LRRN1: variants seen among roughly 807,000 people sequenced by gnomAD.
The protein encoded by LRRN1 is leucine rich repeat neuronal 1.
Under a neutral mutation model 45.8 loss-of-function variants are expected in LRRN1, and 14 were observed. The ratio of observed to expected loss-of-function variants is 0.31; its 90% CI spans 0.20 to 0.48. The LOEUF (loss-of-function observed/expected upper bound fraction) is 0.48, where lower values mean the gene tolerates loss of function less well. Among genes scored for constraint, LRRN1 ranks in the 20% least tolerant of loss-of-function variants. The pLI is 0.99. For missense variants in LRRN1, 789 were observed against 874.2 expected, an observed-to-expected ratio of 0.90 and a Z score of 1.23; for synonymous variants, 359 against 330.1, an observed-to-expected ratio of 1.09 and a Z score of -0.95.
At chr3:3,842,985 T>C (rs527617854) in intron 1 of LRRN1, among the ~76,000 whole-genome samples, 6 of 152,350 alleles carry the variant, frequency 3.9e-5, no homozygotes, top group African/African-American at 1.2e-4. Flanking sequence ...TATCCTCAGC[T>C]TTCCTTCTTT....
chr3:3,835,483 T>A (rs1418450201), intron 1 of LRRN1, among the ~76,000 whole-genome samples: 1 of 152,098 alleles, frequency 6.6e-6, no homozygotes, highest in East Asian at 1.9e-4. Flanking sequence ...GTCTACAGCT[T>A]GCACAAAGTG....
intron 1 of LRRN1, among the ~76,000 whole-genome samples, chr3:3,812,550 G>A (rs1353726223): frequency 1.3e-5 from 2 of 152,166 alleles, no homozygotes; most frequent in Non-Finnish European, 1.5e-5. Context: ...GGAGTTCAGA[G>A]AAGGCAGAAC....
chr3:3,802,146 A>G (rs940636039), intron 1 of LRRN1, among the ~76,000 whole-genome samples: 3 of 152,234 alleles, frequency 2.0e-5, no homozygotes, highest in East Asian at 3.8e-4. Flanking sequence ...TTCAGGTCAC[A>G]TAACAGTGAA....
intron 1 of LRRN1, among the ~76,000 whole-genome samples, chr3:3,826,544 G>A (rs1443546187): frequency 2.6e-5 from 4 of 152,010 alleles, no homozygotes; most frequent in African/African-American, 9.7e-5. Flanking sequence ...AGTTCCTTAT[G>A]CAAAAGAGCC....
intron 1 of LRRN1, among the ~76,000 whole-genome samples, chr3:3,824,156 A>T (rs1693167159): frequency 6.6e-6 from 1 of 152,220 alleles, no homozygotes; most frequent in Admixed American, 6.5e-5. Context: ...AAATGAGTTG[A>T]CATCATTGTA....
intron 1 of LRRN1, among the ~76,000 whole-genome samples, chr3:3,821,128 C>G (rs1693094615): frequency 6.6e-6 from 1 of 152,200 alleles, no homozygotes; most frequent in Non-Finnish European, 1.5e-5. Flanking sequence ...AATGTGCATT[C>G]CCTTAAAACG....
intron 1 of LRRN1, among the ~76,000 whole-genome samples, chr3:3,839,707 C>T (rs963076468): frequency 2.6e-5 from 4 of 152,044 alleles, no homozygotes; most frequent in Admixed American, 1.3e-4. Flanking sequence ...CTCCTCAGTT[C>T]GATTCATTCC....
intron 1 of LRRN1, among the ~76,000 whole-genome samples, chr3:3,821,605 A>G (rs1437432456): frequency 6.6e-6 from 1 of 152,150 alleles, no homozygotes; most frequent in Non-Finnish European, 1.5e-5. Context: ...TTCAATTTGC[A>G]CCATTTTATT....
In LRRN1 at chr3:3,848,201, A is replaced by G. The variant is rs536262082; in HGVS notation, c.*1409A>G. On this transcript the variant is annotated 3_prime_UTR_variant, in exon 2 of 2. Coordinates refer to ENST00000319331, the MANE Select transcript of LRRN1 (RefSeq NM_020873.7). ...TGGCAATATCTGCTGAGACAAGTAAATGATTAATAGAAAACAAAACAACTT... is the reference window on the plus strand; with the variant it reads ...TGGCAATATCTGCTGAGACAAGTAAGTGATTAATAGAAAACAAAACAACTT... 3.3e-5 allele frequency among the ~76,000 whole-genome samples: 5 copies of G among 152,314 alleles called. No individual in the cohort carries two copies. The East Asian group carries it at 9.6e-4, about 29-fold the overall frequency.
At chr3:3,817,330 G>A (rs981855416) in intron 1 of LRRN1, among the ~76,000 whole-genome samples, 1 of 152,130 alleles carries the variant, frequency 6.6e-6, no homozygotes, top group Non-Finnish European at 1.5e-5. Flanking sequence ...TTGAAATCAA[G>A]TTTATTTTAA....
intron 1 of LRRN1, among the ~76,000 whole-genome samples, chr3:3,804,566 G>A (rs1382075924): frequency 2.6e-5 from 4 of 152,170 alleles, no homozygotes; most frequent in African/African-American, 2.4e-5. Flanking sequence ...TGCTTTTAGA[G>A]TGGCTTATTG....
chr3:3,810,776 A>G (rs1017647439), intron 1 of LRRN1, among the ~76,000 whole-genome samples: 3 of 152,240 alleles, frequency 2.0e-5, no homozygotes, highest in Non-Finnish European at 2.9e-5. Flanking sequence ...TGTGATCCTT[A>G]GGGAGATGAA....
chr3:3,839,667 T>C (rs1222752748), intron 1 of LRRN1, among the ~76,000 whole-genome samples: 1 of 152,172 alleles, frequency 6.6e-6, no homozygotes, highest in Non-Finnish European at 1.5e-5. Context: ...TGGTTATCTC[T>C]TAACAATTTT....
intron 1 of LRRN1, chr3:3,827,571 T>C (rs1469034442): frequency 2.2e-6 from 1 of 446,752 alleles, no homozygotes; most frequent in Admixed American, 2.4e-5. Flanking sequence ...ATTCAAGCCA[T>C]TCCTAAAAGA....
At chr3:3,827,917 T>C (rs1023390805) in intron 1 of LRRN1, among the ~76,000 whole-genome samples, 3 of 152,098 alleles carry the variant, frequency 2.0e-5, no homozygotes, top group African/African-American at 7.2e-5. Context: ...GAAAATATAA[T>C]AGAAATGACA....
chr3:3,839,526 A>G (rs1302309476), intron 1 of LRRN1, among the ~76,000 whole-genome samples: 1 of 152,134 alleles, frequency 6.6e-6, no homozygotes, highest in Non-Finnish European at 1.5e-5. Context: ...ATTACCATTG[A>G]GATTTTGATA....
intron 1 of LRRN1, among the ~76,000 whole-genome samples, chr3:3,819,446 T>C (rs1299391585): frequency 2.0e-5 from 3 of 152,198 alleles, no homozygotes; most frequent in African/African-American, 7.2e-5. Context: ...AACAGGGCCA[T>C]GCTCCCTCTG....
intron 1 of LRRN1, among the ~76,000 whole-genome samples, chr3:3,842,347 C>T (rs62247430): frequency 0.48 from 71,882 of 151,146 alleles, 19,323 homozygotes; most frequent in Non-Finnish European, 0.62. Context: ...TCAGGCAACA[C>T]ACTTATACAA....
At chr3:3,829,808 G>T (rs1035900289) in intron 1 of LRRN1, among the ~76,000 whole-genome samples, 19 of 152,218 alleles carry the variant, frequency 1.2e-4, no homozygotes, top group Non-Finnish European at 2.4e-4. Context: ...CTTGGTAAAA[G>T]CACTGCATGC....
Sources: gnomAD v4.1 joint callset for allele counts (sites outside exome capture counted in the v4.1 genomes callset) on GRCh38, gnomAD v4.1.1 for gene constraint, MANE v1.5 for transcripts, NCBI Gene and HGNC (gene_info 2026-07-23, HGNC 2026-07-21) for gene names.